Variants in PARP8 observed in about 807,000 individuals in gnomAD.
PARP8 encodes protein mono-ADP-ribosyltransferase PARP8.
A neutral mutation model predicts 124.1 loss-of-function variants in PARP8; 51 were observed. The observed-to-expected ratio is 0.41, with a 90% confidence interval of 0.33 to 0.52. The LOEUF (loss-of-function observed/expected upper bound fraction) is 0.52. Among genes scored for constraint, PARP8 ranks in the 20% least tolerant of loss-of-function variants. The pLI is 0.21. For missense variants in PARP8, 860 were observed against 1,018.9 expected, an observed-to-expected ratio of 0.84 and a Z score of 2.12; for synonymous variants, 391 against 361.5, an observed-to-expected ratio of 1.08 and a Z score of -0.93.
In PARP8 at chr5:50,813,147, C is replaced by G. The variant is rs1054194692; in HGVS notation, c.1576-2285C>G. Among the ~76,000 whole-genome samples, 121 of 152,122 alleles carry G rather than the reference C, an allele frequency of 8.0e-4. 1 individual carries two copies. In the East Asian group the frequency reaches 0.016, roughly 20 times the overall value. On this transcript the variant is annotated intron_variant, in intron 14 of 25. Transcript: ENST00000281631. ...CTGTGAAGAAAGTCATTGGTAGCTT[C>G]ATGGGGATGGCATTGAATCTATAAA...
intron 2 of PARP8, among the ~76,000 whole-genome samples, chr5:50,678,021 C>T (rs1579919566): frequency 2.0e-5 from 3 of 151,620 alleles, no homozygotes; most frequent in East Asian, 3.9e-4. Flanking sequence ...AGTGCCTTGG[C>T]ACAGAACTAA....
intron 2 of PARP8, among the ~76,000 whole-genome samples, chr5:50,715,243 T>A (rs896182871): frequency 6.6e-6 from 1 of 152,076 alleles, no homozygotes; most frequent in Admixed American, 6.6e-5. Flanking sequence ...CCCACAGTTA[T>A]CGCTCTTTAG....
intron 2 of PARP8, among the ~76,000 whole-genome samples, chr5:50,679,986 T>C (rs1579927619): frequency 6.6e-6 from 1 of 152,178 alleles, no homozygotes; most frequent in South Asian, 2.1e-4. Flanking sequence ...GTAAAACATA[T>C]AGAGAAGCCG....
intron 25 of PARP8, among the ~76,000 whole-genome samples, chr5:50,839,457 T>A (rs918112857): frequency 1.3e-5 from 2 of 151,942 alleles, no homozygotes; most frequent in Admixed American, 1.3e-4. Context: ...ACTAGCAACT[T>A]ATGTATCTAA....
chr5:50,804,354 A>G (rs866865241), intron 14 of PARP8, among the ~76,000 whole-genome samples: 13 of 152,120 alleles, frequency 8.5e-5, no homozygotes, highest in African/African-American at 2.7e-4. Flanking sequence ...TGCTCCCTCT[A>G]TTATTGGAAA....
intron 2 of PARP8, among the ~76,000 whole-genome samples, chr5:50,745,702 G>A (rs571637056): frequency 6.6e-6 from 1 of 152,342 alleles, no homozygotes; most frequent in East Asian, 1.9e-4. Flanking sequence ...TGAGATGGTA[G>A]GCTGTTGGGA....
intron 14 of PARP8, among the ~76,000 whole-genome samples, chr5:50,810,193 C>G (rs1394794373): frequency 1.3e-5 from 2 of 151,850 alleles, no homozygotes; most frequent in Non-Finnish European, 1.5e-5. Flanking sequence ...AATAGAGGGA[C>G]TTGCTATGGT....
Position 50,778,554 on chromosome 5 carries a change from G to A in PARP8, c.580-6G>A. On this transcript the variant is annotated splice_polypyrimidine_tract_variant and splice_region_variant and intron_variant, in intron 8 of 25. Transcript: ENST00000281631. The stretch of plus-strand genomic sequence containing the variant: ...ATTAATTCATCTTTTAAATATATTT[G>A]TGCAGGAGGAGATTGCTGTGGCTTG... The A allele has an allele frequency of 6.3e-7, 1 of 1,579,908 alleles. No homozygotes were observed. The highest frequency in any genetic ancestry group is 1.1e-5 in the South Asian group (1 of 87,392).
In PARP8 at chr5:50,721,483, G is replaced by A. The variant is rs79207391; in HGVS notation, c.147-28668G>A. 5.5e-3 allele frequency among the ~76,000 whole-genome samples: 838 copies of A among 152,204 alleles called. 7 individuals carry two copies. Among genetic ancestry groups the A allele is most frequent in the African/African-American group, 0.019 (792 of 41,548 alleles). On this transcript the variant is annotated intron_variant, in intron 2 of 25. Transcript: ENST00000281631. ...CAGAGTTCAGAACTGACAGAGTTGA[G>A]AGAGAATATTCAATTCAGTGAATCT...
chr5:50,833,919 C>G (rs1448236933), intron 23 of PARP8, 60 bp from the exon 24 acceptor site: 1 of 1,398,286 alleles, frequency 7.2e-7, no homozygotes, highest in East Asian at 2.3e-5. Context: ...TAATGATGAA[C>G]AGCTTTTTTC....
At position 50,768,986 on chromosome 5, in the gene PARP8, T is replaced by G. The variant is rs186897150; in HGVS notation, c.518+5744T>G. Among the ~76,000 whole-genome samples the G allele has an allele frequency of 2.0e-4, 30 of 152,340 alleles. No homozygotes were observed. The South Asian group carries it at 2.9e-3, about 15-fold the overall frequency. On this transcript the variant is annotated intron_variant, in intron 7 of 25. Transcript: ENST00000281631. ...TCTACACCTGCAGAATCCAGTTAAT[T>G]GCAAACCTTTAGGCCTCTGCCTCCT...
At chr5:50,818,668 C>G (rs754312534) in intron 15 of PARP8, among the ~76,000 whole-genome samples, 3 of 151,986 alleles carry the variant, frequency 2.0e-5, no homozygotes, top group East Asian at 3.9e-4. Context: ...CCTGAGCCAC[C>G]ACACCCAGCC....
At position 50,767,521 on chromosome 5, in the gene PARP8, G is replaced by A. The variant is rs142438234; in HGVS notation, c.518+4279G>A. Reference sequence around the variant, plus strand: ...CTAGACACTAACCACTACTCCCAACGCAAGGGCTTTCTCCTAGCAAAACTG... The same window carrying A: ...CTAGACACTAACCACTACTCCCAACACAAGGGCTTTCTCCTAGCAAAACTG... On this transcript the variant is annotated intron_variant, in intron 7 of 25. Transcript: ENST00000281631. Among the ~76,000 whole-genome samples, 412 of 152,264 alleles carry A rather than the reference G, an allele frequency of 2.7e-3. 5 individuals carry two copies. The East Asian group carries it at 0.039, about 14-fold the overall frequency.
rs1309860967 is a variant in PARP8, at chr5:50,756,365, C to T, written c.185-3278C>T. On this transcript the variant is annotated intron_variant, in intron 3 of 25. Coordinates refer to ENST00000281631, the MANE Select transcript of PARP8 (RefSeq NM_024615.4). ...TTTTGAGATACATCCCATTCTTATT[C>T]TATTACTTTAAGTCCTTTCTTTAAC... Among the ~76,000 whole-genome samples, 3 of 151,952 alleles carry T rather than the reference C, an allele frequency of 2.0e-5. No homozygotes were observed. The East Asian group carries it at 5.8e-4, about 29-fold the overall frequency.
chr5:50,775,222 T>C (rs960221850), intron 7 of PARP8, among the ~76,000 whole-genome samples: 20 of 151,648 alleles, frequency 1.3e-4, no homozygotes, highest in Middle Eastern at 3.2e-3. Context: ...GAGGTGGAGG[T>C]TGTAGTGAGC....
At chr5:50,730,204 A>G (rs1376550966) in intron 2 of PARP8, among the ~76,000 whole-genome samples, 1 of 151,942 alleles carries the variant, frequency 6.6e-6, no homozygotes, top group Non-Finnish European at 1.5e-5. Context: ...AATTTTGTCA[A>G]TTTTTTTAGT....
intron 4 of PARP8, among the ~76,000 whole-genome samples, chr5:50,760,035 C>T (rs1760390609): frequency 6.6e-6 from 1 of 152,064 alleles, no homozygotes; most frequent in Admixed American, 6.5e-5. Context: ...ATGAAGACAC[C>T]ATGAAATATA....
chr5:50,702,525 C>T (rs1193672376), intron 2 of PARP8, among the ~76,000 whole-genome samples: 1 of 152,106 alleles, frequency 6.6e-6, no homozygotes, highest in African/African-American at 2.4e-5. Flanking sequence ...ATTTGAAATT[C>T]ATTCTAAGTC....
At chr5:50,708,450 A>G (rs1378004926) in intron 2 of PARP8, among the ~76,000 whole-genome samples, 1 of 152,074 alleles carries the variant, frequency 6.6e-6, no homozygotes, top group Non-Finnish European at 1.5e-5. Flanking sequence ...CATGTCTAAA[A>G]TACCTTTATT....
Sources: gnomAD v4.1 joint callset for allele counts (sites outside exome capture counted in the v4.1 genomes callset) on GRCh38, gnomAD v4.1.1 for gene constraint, MANE v1.5 for transcripts, NCBI Gene and HGNC (gene_info 2026-07-23, HGNC 2026-07-21) for gene names.